The following LRP2BP variants were observed in gnomAD, a reference collection of about 807,000 sequenced individuals.
The protein encoded by LRP2BP is LRP2 binding protein.
In LRP2BP, 38 loss-of-function variants were observed where a neutral mutation model predicts 45.2. That is an observed-to-expected ratio of 0.84 (90% CI 0.65 to 1.10). LRP2BP has a LOEUF of 1.10. LRP2BP is among the 50% of genes least tolerant of loss of function. The probability of loss-of-function intolerance (pLI) is 0.00; values close to 1 mark genes in which losing one functional copy is unlikely to be tolerated. For missense variants in LRP2BP, 385 were observed against 418.9 expected (o/e 0.92, Z 0.71); for synonymous variants, 153 against 153.9 (o/e 0.99, Z 0.04).
At chr4:185,389,702 G>C (rs2095483109) in intron 1 of LRP2BP, among the ~76,000 whole-genome samples, 1 of 151,988 alleles carries the variant, frequency 6.6e-6, no homozygotes, top group Non-Finnish European at 1.5e-5. Context: ...TTTTATGCAG[G>C]TGCAGTTGGT....
Position 185,367,246 on chromosome 4 carries a change from C to T in LRP2BP, c.979-1G>A. On this transcript the variant is annotated splice_acceptor_variant, in intron 8 of 8. Transcript: ENST00000505916. LOFTEE classifies it high-confidence loss of function. Reference sequence around the variant, plus strand: ...CCAATGCGGGATTCAGACGACAAGCCTTAAAATCAAAAAGAGTCAGATATT... The same window carrying T: ...CCAATGCGGGATTCAGACGACAAGCTTTAAAATCAAAAAGAGTCAGATATT... The T allele has an allele frequency of 6.2e-7, 1 of 1,608,876 alleles. No homozygotes were observed. The highest frequency in any genetic ancestry group is 1.7e-4 in the Middle Eastern group (1 of 6,050).
intron 8 of LRP2BP, among the ~76,000 whole-genome samples, chr4:185,368,073 G>C (rs1014305574): frequency 6.6e-6 from 1 of 152,170 alleles, no homozygotes; most frequent in South Asian, 2.1e-4. Flanking sequence ...AGCTACTCGG[G>C]AGGCTGAGCC....
chr4:185,393,434 A>C (rs2095493568), intron 1 of LRP2BP, among the ~76,000 whole-genome samples: 1 of 152,236 alleles, frequency 6.6e-6, no homozygotes, highest in South Asian at 2.1e-4. Context: ...GCAAGCAAGA[A>C]ATAGATAAAA....
At chr4:185,371,832 T>G (rs547371442) in intron 7 of LRP2BP, among the ~76,000 whole-genome samples, 323 of 152,290 alleles carry the variant, frequency 2.1e-3, no homozygotes, top group African/African-American at 7.5e-3. Flanking sequence ...AAGCAGCCCC[T>G]CCTTCCCTTC....
At position 185,364,991 on chromosome 4, in the gene LRP2BP, T is replaced by C. The variant is rs2095381094; in HGVS notation, c.*2189A>G. The C allele has an allele frequency of 6.7e-6, 1 of 149,630 alleles. No homozygotes were observed. Among genetic ancestry groups the C allele is most frequent in the South Asian group, 2.1e-4 (1 of 4,742 alleles). 9.3% of individuals were successfully genotyped at this position (149,630 alleles called of 1,614,324 possible). ...TCCATGAGATATCAGCTACAAGGAA[T>C]CTTAGAGAAGGAGTGTGTGTGTGTG... On this transcript the variant is annotated 3_prime_UTR_variant, in exon 9 of 9. Coordinates refer to ENST00000505916, the MANE Select transcript of LRP2BP (RefSeq NM_001377440.1).
At chr4:185,388,051 A>G (rs146848304) in intron 1 of LRP2BP, among the ~76,000 whole-genome samples, 1 of 152,162 alleles carries the variant, frequency 6.6e-6, no homozygotes, top group Admixed American at 6.5e-5. Flanking sequence ...TGGTGTGTAG[A>G]CTGCCCCTTA....
chr4:185,395,581 A>G lies in LRP2BP; in HGVS notation c.-824T>C. 3.1e-6 allele frequency: 3 copies of G among 981,140 alleles called. No homozygotes were observed. Among genetic ancestry groups the G allele is most frequent in the Non-Finnish European group, 3.6e-6 (3 of 825,994 alleles). The allele number at this position is 981,140 out of a possible 1,614,324, so 60.8% of individuals were successfully genotyped here. A position where few individuals can be genotyped will look rare whatever the true frequency, so the allele number is the denominator to read the frequency against. On this transcript the variant is annotated 5_prime_UTR_variant, in exon 1 of 9. Transcript: ENST00000505916. Reference sequence around the variant, plus strand: ...TTTAAATATTAAAAATGTGGAATATAAGAACGATTCTATATATTTGAACAC... The same window carrying G: ...TTTAAATATTAAAAATGTGGAATATGAGAACGATTCTATATATTTGAACAC...
chr4:185,376,627 GC>G (rs2095438879), intron 3 of LRP2BP, among the ~76,000 whole-genome samples: 1 of 151,658 alleles, frequency 6.6e-6, no homozygotes, highest in Admixed American at 6.6e-5. Context: ...AATATTTTGA[GC>G]AAAAATATAA....
chr4:185,386,308 T>C (rs536111441), intron 1 of LRP2BP, among the ~76,000 whole-genome samples: 2 of 152,182 alleles, frequency 1.3e-5, no homozygotes, highest in Non-Finnish European at 2.9e-5. Context: ...TGAACAAAAA[T>C]GAAAAGCATA....
intron 1 of LRP2BP, chr4:185,378,959 TG>T: frequency 1.0e-6 from 1 of 985,390 alleles, no homozygotes; most frequent in Non-Finnish European, 1.2e-6. Flanking sequence ...AGACCCTTAG[TG>T]TGATTGGAAA....
chr4:185,376,381 G>A (rs2095437610), intron 3 of LRP2BP, among the ~76,000 whole-genome samples: 1 of 151,302 alleles, frequency 6.6e-6, no homozygotes, highest in African/African-American at 2.4e-5. Context: ...GGGTTCAAGC[G>A]ATTCTCTGCC....
At chr4:185,390,901 T>A (rs1336562189) in intron 1 of LRP2BP, 1 of 152,234 alleles carries the variant, frequency 6.6e-6, no homozygotes, top group East Asian at 1.9e-4. Context: ...CACATTATAA[T>A]AGTATGTTTG....
At chr4:185,392,281 A>G (rs1254547720) in intron 1 of LRP2BP, among the ~76,000 whole-genome samples, 1 of 152,238 alleles carries the variant, frequency 6.6e-6, no homozygotes, top group African/African-American at 2.4e-5. Context: ...TCTAGTCACC[A>G]TTGAGACCAC....
chr4:185,372,629 G>C (rs374897963), intron 7 of LRP2BP, among the ~76,000 whole-genome samples: 1 of 152,202 alleles, frequency 6.6e-6, no homozygotes, highest in Admixed American at 6.5e-5. Flanking sequence ...CTTAAGAGGC[G>C]ACGAGGCCAT....
intron 1 of LRP2BP, among the ~76,000 whole-genome samples, chr4:185,385,235 C>T (rs1281759922): frequency 1.3e-5 from 2 of 152,060 alleles, no homozygotes; most frequent in Admixed American, 1.3e-4. Flanking sequence ...ATGGGGAAAC[C>T]TTGTTGGCAG....
intron 8 of LRP2BP, among the ~76,000 whole-genome samples, chr4:185,368,504 C>T (rs935853338): frequency 2.0e-5 from 3 of 152,190 alleles, no homozygotes; most frequent in Non-Finnish European, 2.9e-5. Flanking sequence ...GGGACACTGC[C>T]GGTCCAGTGA....
At chr4:185,377,937 C>T in intron 2 of LRP2BP, 144 bp downstream of exon 2, 1 of 658,924 alleles carries the variant, frequency 1.5e-6, no homozygotes, top group East Asian at 2.9e-5. Context: ...TTCACAGATT[C>T]TTGCGGGAAA....
chr4:185,373,913 T>C (rs531156646), intron 6 of LRP2BP, among the ~76,000 whole-genome samples: 2 of 152,308 alleles, frequency 1.3e-5, no homozygotes, highest in South Asian at 4.1e-4. Context: ...GATACTATAG[T>C]ATACAAAATA....
rs2095420531 is a variant in LRP2BP, at chr4:185,372,854, A to G, written c.803+2T>C. ...CAGCACAGAACAGACAAAGACATTC[A>G]CCTTTTGGAAAATGCAACACACTTT... On this transcript the variant is annotated splice_donor_variant, in intron 7 of 8. Coordinates refer to ENST00000505916, the MANE Select transcript of LRP2BP (RefSeq NM_001377440.1). LOFTEE classifies it high-confidence loss of function. 6.3e-7 allele frequency: 1 copy of G among 1,595,448 alleles called. No individual in the cohort carries two copies. The highest frequency in any genetic ancestry group is 8.6e-7 in the Non-Finnish European group (1 of 1,164,320).
Sources: allele counts gnomAD v4.1 joint callset (sites outside exome capture counted in the v4.1 genomes callset), GRCh38; gene constraint gnomAD v4.1.1; transcripts MANE v1.5; gene names NCBI Gene and HGNC (gene_info 2026-07-23, HGNC 2026-07-21).